Variants in CEP112 observed in about 807,000 individuals in gnomAD.
CEP112 encodes the protein centrosomal protein of 112 kDa.
A neutral mutation model predicts 153.0 loss-of-function variants in CEP112; 127 were observed. The observed-to-expected ratio is 0.83, with a 90% CI of 0.72 to 0.96. The LOEUF (loss-of-function observed/expected upper bound fraction) is 0.96, where lower values mean the gene tolerates loss of function less well. Ranked by LOEUF, CEP112 falls within the 40% of genes least tolerant of loss-of-function variation. The pLI, the probability that CEP112 is intolerant of heterozygous loss-of-function variation, is 0.00. For synonymous variants in CEP112, 358 were observed against 374.4 expected, an observed-to-expected ratio of 0.96 and a Z score of 0.51; for missense variants, 1,089 against 1,101.2, an observed-to-expected ratio of 0.99 and a Z score of 0.16.
At chr17:65,825,153 C>G (rs2056778904) in intron 21 of CEP112, among the ~76,000 whole-genome samples, 1 of 152,134 alleles carries the variant, frequency 6.6e-6, no homozygotes, top group African/African-American at 2.4e-5. Context: ...TCATTTTGAA[C>G]AAAACAGGAA....
chr17:65,851,227 C>A (rs982357991), intron 21 of CEP112, among the ~76,000 whole-genome samples: 1 of 152,090 alleles, frequency 6.6e-6, no homozygotes, highest in Non-Finnish European at 1.5e-5. Flanking sequence ...TTTTTCTGAA[C>A]GTCAAAAGAA....
chr17:66,036,361 A>G (rs907249344), intron 12 of CEP112, among the ~76,000 whole-genome samples: 2 of 134,640 alleles, frequency 1.5e-5, no homozygotes, highest in African/African-American at 5.8e-5. Flanking sequence ...ATCTCACACT[A>G]TGTGTTTTTA....
At chr17:65,847,556 T>C (rs561792516) in intron 21 of CEP112, among the ~76,000 whole-genome samples, 7 of 152,280 alleles carry the variant, frequency 4.6e-5, no homozygotes, top group Non-Finnish European at 7.4e-5. Flanking sequence ...CCTTCCTCCA[T>C]TGGTGAAGGT....
intron 23 of CEP112, among the ~76,000 whole-genome samples, chr17:65,696,991 G>T (rs2048391812): frequency 6.6e-6 from 1 of 152,152 alleles, no homozygotes; most frequent in African/African-American, 2.4e-5. Context: ...AAGAGACCAG[G>T]GGGGTAGGAT....
chr17:65,672,477 G>T (rs1285373256), intron 24 of CEP112, among the ~76,000 whole-genome samples: 1 of 152,154 alleles, frequency 6.6e-6, no homozygotes, highest in Non-Finnish European at 1.5e-5. Flanking sequence ...TTTTTAAAAA[G>T]ATGATGAGAG....
At chr17:65,861,135 G>C (rs904927910) in intron 20 of CEP112, among the ~76,000 whole-genome samples, 17 of 152,334 alleles carry the variant, frequency 1.1e-4, no homozygotes, top group African/African-American at 4.1e-4. Flanking sequence ...TAATGGGTCT[G>C]AGTTTTTGGA....
chr17:66,057,787 AC>A (rs2066754904), intron 11 of CEP112, among the ~76,000 whole-genome samples: 2 of 151,746 alleles, frequency 1.3e-5, no homozygotes, highest in African/African-American at 4.8e-5. Flanking sequence ...ACACACACAC[AC>A]ACACACACAG....
chr17:65,865,428 C>T (rs576695903), intron 20 of CEP112, among the ~76,000 whole-genome samples: 19 of 152,294 alleles, frequency 1.2e-4, no homozygotes, highest in Admixed American at 4.6e-4. Flanking sequence ...GAGAACTAAG[C>T]GTACTATATT....
chr17:65,662,286 G>A (rs913906360), intron 24 of CEP112, among the ~76,000 whole-genome samples: 9 of 152,182 alleles, frequency 5.9e-5, no homozygotes, highest in African/African-American at 1.9e-4. Flanking sequence ...TAAGTACACT[G>A]TTACTGACTT....
intron 19 of CEP112, among the ~76,000 whole-genome samples, chr17:65,922,088 C>A (rs2060752270): frequency 1.3e-5 from 2 of 152,176 alleles, no homozygotes; most frequent in South Asian, 4.2e-4. Context: ...GCCTGTAATG[C>A]CACTAGCATG....
At chr17:65,795,523 C>G (rs565232497) in intron 21 of CEP112, among the ~76,000 whole-genome samples, 8 of 152,216 alleles carry the variant, frequency 5.3e-5, no homozygotes, top group African/African-American at 1.7e-4. Flanking sequence ...CTAAAACTCA[C>G]CATTTTGGCT....
rs963673616 is a variant in CEP112, at chr17:65,750,674, G to A, written c.2445C>T (p.Ala815=). 4 of 1,613,768 alleles carry A rather than the reference G, an allele frequency of 2.5e-6. 1 individual carries two copies. The African/African-American group carries it at 4.0e-5, about 16-fold the overall frequency. ...TAATGTTGCTTACCTGTGAAGATTT[G>A]GCAAGCTTCTGAGTGTATTCCTTCT... is the stretch of plus-strand genomic sequence containing the variant. ...QIEKEYTQKL[A]KSSQIIAELQ... is the part of the protein sequence containing the mutation. Residue 815 remains alanine, a synonymous_variant, in exon 22 of 27, where the codon GCC becomes GCT. Transcript: ENST00000535342.
At chr17:65,659,044 T>G (rs1203697739) in intron 24 of CEP112, among the ~76,000 whole-genome samples, 1 of 82,290 alleles carries the variant, frequency 1.2e-5, no homozygotes, top group Non-Finnish European at 2.5e-5. Context: ...AAAAAAAATA[T>G]CAGACCATTT....
intron 9 of CEP112, among the ~76,000 whole-genome samples, chr17:66,067,244 A>T (rs1275249814): frequency 6.6e-6 from 1 of 152,168 alleles, no homozygotes; most frequent in Admixed American, 6.5e-5. Context: ...AAATCGTGAG[A>T]CTTTCCTCCT....
chr17:66,065,792 G>T (rs1454345906), intron 10 of CEP112, among the ~76,000 whole-genome samples: 1 of 151,940 alleles, frequency 6.6e-6, no homozygotes, highest in Non-Finnish European at 1.5e-5. Flanking sequence ...ACCACGCCCA[G>T]CTAATTTTTT....
chr17:65,961,590 T>C lies in CEP112; in HGVS notation c.1745A>G (p.Glu582Gly). ...HKFEEALKEK[E>G]EQLTRVTEVQ... The stretch of plus-strand genomic sequence containing the variant: ...TTCAGTCACACGAGTTAGCTGCTCC[T>C]CTTTTTCCCTAGAAAGGTTCAGAGA... Residue 582 changes from glutamate (E) to glycine (G), a missense_variant, in exon 18 of 27, where the codon GAG (glutamate) becomes GGG (glycine). By Grantham distance (98) the Glu-to-Gly change is moderately conservative. Transcript: ENST00000535342. 6 of 1,611,016 alleles carry C rather than the reference T, an allele frequency of 3.7e-6. No homozygotes were observed. Among genetic ancestry groups the C allele is most frequent in the Non-Finnish European group, 5.1e-6 (6 of 1,177,660 alleles).
chr17:65,937,463 G>A (rs2061355477), intron 18 of CEP112, among the ~76,000 whole-genome samples: 2 of 115,740 alleles, frequency 1.7e-5, no homozygotes, highest in African/African-American at 2.9e-5. Context: ...TCTCTGCCCG[G>A]CCGCCCCGTC....
At chr17:65,733,965 T>G (rs1338789022) in intron 23 of CEP112, among the ~76,000 whole-genome samples, 1 of 152,158 alleles carries the variant, frequency 6.6e-6, no homozygotes, top group African/African-American at 2.4e-5. Context: ...CTGACTGATG[T>G]TGGGTGGGTA....
intron 23 of CEP112, among the ~76,000 whole-genome samples, chr17:65,693,098 C>G (rs2048192796): frequency 6.6e-6 from 1 of 152,044 alleles, no homozygotes; most frequent in South Asian, 2.1e-4. Context: ...AAAAATACTC[C>G]TTTAATTTTA....
Sources: gnomAD v4.1 joint callset for allele counts (sites outside exome capture counted in the v4.1 genomes callset) on GRCh38, gnomAD v4.1.1 for gene constraint, MANE v1.5 for transcripts, NCBI Gene and HGNC (gene_info 2026-07-23, HGNC 2026-07-21) for gene names.